SIN3A: variants seen among roughly 807,000 people sequenced by gnomAD.
SIN3A encodes SIN3 transcription regulator family member A.
A neutral mutation model predicts 146.1 loss-of-function variants in SIN3A; 14 were observed. The ratio of observed to expected loss-of-function variants is 0.10; its 90% CI spans 0.06 to 0.15. The LOEUF (loss-of-function observed/expected upper bound fraction) is 0.15, where lower values mean the gene tolerates loss of function less well. Ranked by LOEUF, SIN3A falls within the 10% of genes least tolerant of loss-of-function variation. SIN3A has a pLI of 1.00. For synonymous variants in SIN3A, 572 were observed against 572.0 expected, an observed-to-expected ratio of 1.00 and a Z score of 0.00; for missense variants, 1,028 against 1,576.0, an observed-to-expected ratio of 0.65 and a Z score of 5.89.
At chr15:75,401,151 C>T (rs762211726) in intron 10 of SIN3A, among the ~76,000 whole-genome samples, 5 of 152,112 alleles carry the variant, frequency 3.3e-5, no homozygotes, top group African/African-American at 9.7e-5. Flanking sequence ...AGAGTTGTAC[C>T]GAAACCAGGC....
At chr15:75,444,611 G>C (rs1219967280) in intron 1 of SIN3A, among the ~76,000 whole-genome samples, 2 of 152,020 alleles carry the variant, frequency 1.3e-5, no homozygotes, top group Non-Finnish European at 2.9e-5. Flanking sequence ...GCTCAGGCCT[G>C]TAATCCCAGC....
At chr15:75,442,332 T>G (rs1469917179) in intron 1 of SIN3A, among the ~76,000 whole-genome samples, 1 of 149,406 alleles carries the variant, frequency 6.7e-6, no homozygotes, top group Admixed American at 6.7e-5. Context: ...TTTTGATTGT[T>G]TTTTTTTTTC....
chr15:75,428,636 A>T (rs2073965118), intron 2 of SIN3A, among the ~76,000 whole-genome samples: 1 of 152,156 alleles, frequency 6.6e-6, no homozygotes, highest in African/African-American at 2.4e-5. Context: ...AGTAGCTAGG[A>T]ACACAAGTGT....
At chr15:75,453,511 A>AGAACC (rs1451505822), upstream of SIN3A, 1 of 152,484 alleles carries the variant, frequency 6.6e-6, no homozygotes, top group Non-Finnish European at 1.5e-5. Flanking sequence ...AGAACTACTC[A>AGAACC]GAACCCAAGC....
chr15:75,425,678 T>C (rs1201271657), intron 2 of SIN3A, among the ~76,000 whole-genome samples: 3 of 152,172 alleles, frequency 2.0e-5, no homozygotes, highest in Non-Finnish European at 4.4e-5. Flanking sequence ...TGCTACAAAA[T>C]TTTTTTCAGA....
chr15:75,426,840 T>C lies in SIN3A; in HGVS notation c.189+3347A>G, dbSNP rs955234821. 4.6e-5 allele frequency among the ~76,000 whole-genome samples: 7 copies of C among 151,842 alleles called. No homozygotes were observed. In the South Asian group the frequency reaches 1.0e-3, roughly 23 times the overall value. On this transcript the variant is annotated intron_variant, in intron 2 of 20. Transcript: ENST00000394947. ...CCAACTACTTGGGAGACTGAGGTGCTAGGATTGCTTGAGCCCAGGAGGTGA... is the reference window on the plus strand; with the variant it reads ...CCAACTACTTGGGAGACTGAGGTGCCAGGATTGCTTGAGCCCAGGAGGTGA...
At chr15:75,443,156 C>T (rs1303488608) in intron 1 of SIN3A, among the ~76,000 whole-genome samples, 1 of 151,990 alleles carries the variant, frequency 6.6e-6, no homozygotes, top group East Asian at 1.9e-4. Flanking sequence ...TATAACTTTA[C>T]CGTCATCCTA....
intron 12 of SIN3A, among the ~76,000 whole-genome samples, chr15:75,399,327 G>C (rs1202495844): frequency 6.6e-6 from 1 of 152,116 alleles, no homozygotes; most frequent in Non-Finnish European, 1.5e-5. Flanking sequence ...AGGAGATCGA[G>C]ACCATCCTGG....
intron 1 of SIN3A, among the ~76,000 whole-genome samples, chr15:75,435,456 G>A (rs1178142092): frequency 6.6e-6 from 1 of 152,200 alleles, no homozygotes; most frequent in Non-Finnish European, 1.5e-5. Context: ...CCAGCACTTT[G>A]GGAGGCCGAG....
intron 20 of SIN3A, 127 bp from the exon 21 acceptor site, chr15:75,372,336 G>GT (rs906989480): frequency 8.0e-6 from 4 of 498,230 alleles, no homozygotes; most frequent in Non-Finnish European, 1.4e-5. Context: ...AGATACCACT[G>GT]TTTTTTTCTT....
chr15:75,428,978 A>C (rs1367090850), intron 2 of SIN3A, among the ~76,000 whole-genome samples: 1 of 152,200 alleles, frequency 6.6e-6, no homozygotes. Context: ...TCTCTTCCTT[A>C]TGATTTTCTT....
Position 75,375,693 on chromosome 15 carries a change from C to T in SIN3A, c.3563G>A (p.Arg1188Gln). The T allele has an allele frequency of 6.2e-7, 1 of 1,614,124 alleles. No individual in the cohort carries two copies. The change falls in exon 20 of 21, where the codon CGG (arginine) becomes CAG (glutamine). Residue 1188 changes from arginine to glutamine, a missense_variant. Physicochemically the swap from Arg to Gln is conservative, Grantham distance 43. Transcript: ENST00000394947. Reference protein sequence around the residue: ...YVIKSEDYMYRRTALLRAHQS... With the variant: ...YVIKSEDYMYQRTALLRAHQS... ...ATGAGCCCGGAGCAGGGCGGTCCTCCGATACATATAGTCCTCTGATTTGAT... is the reference window on the plus strand; with the variant it reads ...ATGAGCCCGGAGCAGGGCGGTCCTCTGATACATATAGTCCTCTGATTTGAT...
At chr15:75,382,292 T>C (rs796510769) in intron 17 of SIN3A, among the ~76,000 whole-genome samples, 4 of 152,372 alleles carry the variant, frequency 2.6e-5, no homozygotes, top group African/African-American at 7.2e-5. Context: ...AATTGCTCTC[T>C]GCTAGTAAAG....
intron 1 of SIN3A, among the ~76,000 whole-genome samples, chr15:75,448,934 G>C (rs1403163937): frequency 6.6e-6 from 1 of 152,162 alleles, no homozygotes; most frequent in East Asian, 1.9e-4. Context: ...ATTACGAAGT[G>C]CCAATCTTTC....
At position 75,450,189 on chromosome 15, in the gene SIN3A, AAAAC is replaced by A. The variant is rs556462060; in HGVS notation, c.-34+1230_-34+1233del. Among the ~76,000 whole-genome samples the A allele has an allele frequency of 2.4e-3, 363 of 152,250 alleles. 1 individual carries two copies. The highest frequency in any genetic ancestry group is 8.0e-3 in the African/African-American group (332 of 41,544). Reference sequence around the variant, plus strand: ...TCAAAGTCTGAGTTCTTAAAAAAAAAAAACAAACCCTACTTTATAAACAGACCAG... The same window carrying A: ...TCAAAGTCTGAGTTCTTAAAAAAAAAAAACCCTACTTTATAAACAGACCAG... On this transcript the variant is annotated intron_variant, in intron 1 of 20. Transcript: ENST00000394947.
intron 20 of SIN3A, among the ~76,000 whole-genome samples, chr15:75,374,008 C>T (rs2072807406): frequency 6.6e-6 from 1 of 152,136 alleles, no homozygotes; most frequent in Non-Finnish European, 1.5e-5. Context: ...TCCTTTCAAA[C>T]TTAAAACAGC....
At chr15:75,439,042 T>C (rs1361139411) in intron 1 of SIN3A, among the ~76,000 whole-genome samples, 1 of 152,204 alleles carries the variant, frequency 6.6e-6, no homozygotes, top group Non-Finnish European at 1.5e-5. Flanking sequence ...AAGACACCAT[T>C]AGATCTAATA....
At position 75,384,994 on chromosome 15, in the gene SIN3A, C is replaced by T. The variant is rs190763078; in HGVS notation, c.3022-557G>A. On this transcript the variant is annotated intron_variant, in intron 16 of 20. Transcript: ENST00000394947. ...TTCAAAACCAGCCTGGCTAACATGG[C>T]GAAACCCCATCTCTACTAAAAATAC... Among the ~76,000 whole-genome samples the T allele has an allele frequency of 4.4e-3, 670 of 152,110 alleles. 4 individuals carry two copies. Among genetic ancestry groups the T allele is most frequent in the Non-Finnish European group, 7.7e-3 (525 of 67,986 alleles).
intron 3 of SIN3A, among the ~76,000 whole-genome samples, chr15:75,414,751 T>C (rs1344221761): frequency 1.3e-5 from 2 of 152,138 alleles, no homozygotes; most frequent in Admixed American, 6.5e-5. Flanking sequence ...GGAGATGACA[T>C]GGGAAGGACA....
Sources: allele counts gnomAD v4.1 joint callset (sites outside exome capture counted in the v4.1 genomes callset), GRCh38; gene constraint gnomAD v4.1.1; transcripts MANE v1.5; gene names NCBI Gene and HGNC (gene_info 2026-07-23, HGNC 2026-07-21).